The following NRG4 variants were observed in gnomAD, a reference collection of about 807,000 sequenced individuals.
NRG4 encodes neuregulin 4, also known as pro-neuregulin-4, membrane-bound isoform.
In NRG4, 10 loss-of-function variants were observed where a neutral mutation model predicts 15.0. The ratio of observed to expected loss-of-function variants is 0.67; its 90% CI spans 0.41 to 1.13. The LOEUF (loss-of-function observed/expected upper bound fraction) is 1.13. Among genes scored for constraint, NRG4 ranks in the 50% most tolerant of loss-of-function variants. NRG4 has a pLI of 0.00. For missense variants in NRG4, 139 were observed against 140.2 expected (o/e 0.99, Z 0.04); for synonymous variants, 41 against 50.1 (o/e 0.82, Z 0.77).
At chr15:76,023,355 G>C (rs1322004977) in intron 5 of NRG4, among the ~76,000 whole-genome samples, 1 of 152,144 alleles carries the variant, frequency 6.6e-6, no homozygotes, top group Non-Finnish European at 1.5e-5. Context: ...GGCACTGTCT[G>C]CCATGCCTGG....
chr15:75,998,631 G>C (rs2034296925), intron 3 of NRG4, among the ~76,000 whole-genome samples: 1 of 152,138 alleles, frequency 6.6e-6, no homozygotes, highest in South Asian at 2.1e-4. Flanking sequence ...ATCTGAGTGA[G>C]ACAGAGAGTC....
intron 4 of NRG4, among the ~76,000 whole-genome samples, chr15:76,043,865 T>C (rs1391802353): frequency 6.6e-6 from 1 of 152,084 alleles, no homozygotes; most frequent in African/African-American, 2.4e-5. Flanking sequence ...ACTGAATAAA[T>C]CACATTACCT....
At chr15:76,003,714 C>G (rs1161244087) in intron 3 of NRG4, among the ~76,000 whole-genome samples, 3 of 152,078 alleles carry the variant, frequency 2.0e-5, no homozygotes, top group Non-Finnish European at 1.5e-5. Context: ...GAGAAGGGAT[C>G]CTCAATGAGA....
At chr15:75,958,843 T>C (rs2032371677) in intron 4 of NRG4, among the ~76,000 whole-genome samples, 1 of 152,202 alleles carries the variant, frequency 6.6e-6, no homozygotes, top group Non-Finnish European at 1.5e-5. Context: ...GAAGGTCTCC[T>C]TTCTGAAACT....
At chr15:76,050,076 A>C (rs533235208) in intron 4 of NRG4, among the ~76,000 whole-genome samples, 1 of 151,194 alleles carries the variant, frequency 6.6e-6, no homozygotes, top group Admixed American at 6.6e-5. Context: ...AAGTTCTATA[A>C]GTTTACCTAT....
chr15:75,944,830 T>C (rs978458480), intron 5 of NRG4, among the ~76,000 whole-genome samples: 2 of 152,116 alleles, frequency 1.3e-5, no homozygotes, highest in Non-Finnish European at 2.9e-5. Flanking sequence ...TTGTTCAACC[T>C]TGAAAAAACG....
chr15:76,049,799 G>A lies in NRG4; in HGVS notation c.-105+2268C>T, dbSNP rs1459715781. On this transcript the variant is annotated intron_variant, in intron 4 of 8. Coordinates refer to the NRG4 transcript ENST00000563910. Reference sequence around the variant, plus strand: ...ATCTCCACCCTATCCCACATTTCGGGGAACTATTCTTAACAATCCCACTTG... The same window carrying A: ...ATCTCCACCCTATCCCACATTTCGGAGAACTATTCTTAACAATCCCACTTG... 4.6e-5 allele frequency among the ~76,000 whole-genome samples: 7 copies of A among 150,610 alleles called. No homozygotes were observed. The East Asian group carries it at 1.4e-3, about 29-fold the overall frequency.
chr15:75,969,203 G>C, intron 3 of NRG4: 1 of 456,142 alleles, frequency 2.2e-6, no homozygotes, highest in South Asian at 1.5e-5. Context: ...AAGACAAAGA[G>C]AAGCCAGCAT....
chr15:76,031,133 T>C (rs988242557), intron 5 of NRG4, among the ~76,000 whole-genome samples: 4 of 151,936 alleles, frequency 2.6e-5, no homozygotes, highest in South Asian at 2.1e-4. Context: ...GTCACCTCAA[T>C]AGATTCAAAA....
At position 76,006,028 on chromosome 15, in the gene NRG4, GT is replaced by G. The variant is rs377052327; in HGVS notation, c.104+3171del. On this transcript the variant is annotated intron_variant, in intron 3 of 5. Coordinates refer to ENST00000394907, the MANE Select transcript of NRG4 (RefSeq NM_138573.4). ...ATAGGTGTGAGGGCTGTCACTGAAG[GT>G]TTTTTTTGTTTTAGCTGGACAGATG... Among the ~76,000 whole-genome samples the G allele has an allele frequency of 2.2e-4, 33 of 152,062 alleles. 1 individual carries two copies. Among genetic ancestry groups the G allele is most frequent in the Admixed American group, 2.1e-3 (32 of 15,270 alleles).
Position 76,058,961 on chromosome 15 carries a change from T to C in NRG4, c.-328+694A>G, listed in dbSNP as rs543262649. ...CTGTGGGTGCATCCAGATTGCTCAG[T>C]GGTTCCGTTTAACCCACCCGGTAAC... On this transcript the variant is annotated intron_variant, in intron 1 of 8. Transcript: ENST00000563910. 3.3e-5 allele frequency among the ~76,000 whole-genome samples: 5 copies of C among 152,212 alleles called. No individual in the cohort carries two copies. In the South Asian group the frequency reaches 1.0e-3, roughly 32 times the overall value.
At chr15:75,961,027 G>A (rs1260269819) in intron 4 of NRG4, among the ~76,000 whole-genome samples, 6 of 152,028 alleles carry the variant, frequency 3.9e-5, no homozygotes, top group Non-Finnish European at 7.4e-5. Context: ...TTACCTATAT[G>A]TTACCTTTCT....
At chr15:75,993,725 CAGAT>C (rs1301234677) in intron 3 of NRG4, among the ~76,000 whole-genome samples, 1 of 151,890 alleles carries the variant, frequency 6.6e-6, no homozygotes, top group Non-Finnish European at 1.5e-5. Flanking sequence ...GTTTTTCATA[CAGAT>C]ATTTTCAACA....
intron 5 of NRG4, chr15:75,950,318 ATT>A (rs2031802889): frequency 6.6e-6 from 1 of 152,424 alleles, no homozygotes; most frequent in East Asian, 1.9e-4. Flanking sequence ...AGATAAGTTT[ATT>A]AAGTCCAATG....
intron 5 of NRG4, among the ~76,000 whole-genome samples, chr15:76,019,963 C>T (rs1054737096): frequency 2.0e-5 from 3 of 152,120 alleles, no homozygotes; most frequent in Non-Finnish European, 2.9e-5. Context: ...GCCATTTTTC[C>T]AACAGCCTGT....
chr15:75,937,518 A>T (rs1471912446), downstream of NRG4: 1 of 99,026 alleles, frequency 1.0e-5, no homozygotes, highest in African/African-American at 4.5e-5. Context: ...CAAAAAAAAA[A>T]AAAAAAAAAA....
At chr15:76,014,476 C>T (rs975473846), upstream of NRG4, among the ~76,000 whole-genome samples, 1 of 151,866 alleles carries the variant, frequency 6.6e-6, no homozygotes, top group Non-Finnish European at 1.5e-5. Flanking sequence ...TATGGCTTTA[C>T]GTTTTAGGTG....
At chr15:75,971,448 C>T (rs2033087439) in intron 3 of NRG4, among the ~76,000 whole-genome samples, 1 of 152,130 alleles carries the variant, frequency 6.6e-6, no homozygotes, top group Non-Finnish European at 1.5e-5. Flanking sequence ...TGATTTTGGA[C>T]CAGAGAGATT....
chr15:75,974,298 A>AC (rs2033256517), intron 3 of NRG4, among the ~76,000 whole-genome samples: 1 of 151,762 alleles, frequency 6.6e-6, no homozygotes, highest in Non-Finnish European at 1.5e-5. Flanking sequence ...CTATTTTGTT[A>AC]ATCTTTTCAA....
Sources: allele counts gnomAD v4.1 joint callset (sites outside exome capture counted in the v4.1 genomes callset), GRCh38; gene constraint gnomAD v4.1.1; transcripts MANE v1.5; gene names NCBI Gene and HGNC (gene_info 2026-07-23, HGNC 2026-07-21).